Variants in TRAF5 observed in about 807,000 individuals in gnomAD.
The protein encoded by TRAF5 is TNF receptor associated factor 5.
In TRAF5, 48 loss-of-function variants were observed where a neutral mutation model predicts 64.5. That is an observed-to-expected ratio of 0.74 (90% confidence interval 0.59 to 0.95). TRAF5 has a LOEUF of 0.95. TRAF5 is among the 40% of genes least tolerant of loss of function. The pLI, the probability that TRAF5 is intolerant of heterozygous loss-of-function variation, is 0.00. For missense variants in TRAF5, 545 were observed against 662.8 expected (o/e 0.82, Z 1.95); for synonymous variants, 206 against 240.5 (o/e 0.86, Z 1.33).
chr1:211,351,490 G>A (rs186418163), intron 1 of TRAF5, among the ~76,000 whole-genome samples: 3 of 152,106 alleles, frequency 2.0e-5, no homozygotes, highest in East Asian at 3.9e-4. Flanking sequence ...TACCGCAATG[G>A]CAGTGATAGA....
intron 1 of TRAF5, among the ~76,000 whole-genome samples, chr1:211,335,642 G>A (rs898921456): frequency 3.9e-5 from 6 of 152,168 alleles, no homozygotes; most frequent in Non-Finnish European, 5.9e-5. Flanking sequence ...CAGAGGCATG[G>A]CTGCATATGT....
At chr1:211,334,651 C>T (rs1250581398) in intron 1 of TRAF5, among the ~76,000 whole-genome samples, 1 of 152,074 alleles carries the variant, frequency 6.6e-6, no homozygotes, top group Non-Finnish European at 1.5e-5. Flanking sequence ...GAGTGAGACC[C>T]CGTCTCAAAA....
At chr1:211,330,316 C>T (rs1027400499) in intron 1 of TRAF5, among the ~76,000 whole-genome samples, 9 of 151,236 alleles carry the variant, frequency 6.0e-5, no homozygotes, top group Non-Finnish European at 1.3e-4. Flanking sequence ...ACCACAGGCT[C>T]CATCAACTTC....
At chr1:211,335,212 A>C (rs1234724444) in intron 1 of TRAF5, among the ~76,000 whole-genome samples, 2 of 152,098 alleles carry the variant, frequency 1.3e-5, no homozygotes, top group African/African-American at 4.8e-5. Context: ...CTGAATCCCT[A>C]CCCAGAGTTA....
chr1:211,340,133 T>C (rs1702408373), intron 1 of TRAF5, among the ~76,000 whole-genome samples: 1 of 152,028 alleles, frequency 6.6e-6, no homozygotes, highest in Non-Finnish European at 1.5e-5. Context: ...CCATGGAGGG[T>C]GGGGCTGGGC....
intron 3 of TRAF5, among the ~76,000 whole-genome samples, 185 bp downstream of exon 3, chr1:211,354,652 T>G (rs1347644416): frequency 1.3e-5 from 2 of 152,104 alleles, no homozygotes; most frequent in Admixed American, 1.3e-4. Flanking sequence ...TTTGGGTCTT[T>G]ATTGACCACA....
intron 4 of TRAF5, chr1:211,357,351 A>G (rs953762905): frequency 5.3e-5 from 8 of 152,176 alleles, no homozygotes; most frequent in Non-Finnish European, 1.0e-4. Context: ...TAATCCAGGA[A>G]TTTATTTGGA....
intron 1 of TRAF5, among the ~76,000 whole-genome samples, chr1:211,341,849 G>A (rs756063033): frequency 7.9e-5 from 12 of 152,188 alleles, no homozygotes; most frequent in African/African-American, 2.4e-4. Context: ...AATGTTTAGC[G>A]CGAGATAGTC....
In TRAF5 at chr1:211,372,886, T is replaced by C; in HGVS notation, c.*184T>C. 1 of 527,094 alleles carries C rather than the reference T, an allele frequency of 1.9e-6. No homozygotes were observed. The highest frequency in any genetic ancestry group is 3.3e-6 in the Non-Finnish European group (1 of 301,082). The allele number at this position is 527,094 out of a possible 1,614,324, so 32.7% of individuals were successfully genotyped here. A position where few individuals can be genotyped will look rare whatever the true frequency, so the allele number is the denominator to read the frequency against. The stretch of plus-strand genomic sequence containing the variant: ...TTTTACATTTTACTCTGTCCCAGTT[T>C]GAAACTTAAAACTCTTAGAATATTC... On this transcript the variant is annotated 3_prime_UTR_variant, in exon 11 of 11. Transcript: ENST00000261464.
intron 4 of TRAF5, chr1:211,356,855 A>G (rs561273897): frequency 5.9e-6 from 1 of 170,810 alleles, no homozygotes; most frequent in Admixed American, 5.9e-5. Context: ...GTCCTTCCCC[A>G]AAAGCATTTG....
intron 2 of TRAF5, among the ~76,000 whole-genome samples, chr1:211,354,190 T>C (rs1354714339): frequency 1.3e-5 from 2 of 152,182 alleles, no homozygotes; most frequent in Non-Finnish European, 2.9e-5. Flanking sequence ...ACTCACTGAC[T>C]GCATCCCAGA....
At chr1:211,348,518 G>A (rs774824610) in intron 1 of TRAF5, among the ~76,000 whole-genome samples, 93 of 151,938 alleles carry the variant, frequency 6.1e-4, no homozygotes, top group Admixed American at 1.3e-3. Context: ...TTCACGGATT[G>A]TGCCCTTGGT....
chr1:211,372,825 G>A lies in TRAF5; in HGVS notation c.*123G>A, dbSNP rs565614512. ...ATTTGTATTTGCCTTTTTCCTTAACGTTTGAAGTCAGTTTAAAACTTCTGA... is the reference window on the plus strand; with the variant it reads ...ATTTGTATTTGCCTTTTTCCTTAACATTTGAAGTCAGTTTAAAACTTCTGA... On this transcript the variant is annotated 3_prime_UTR_variant, in exon 11 of 11. Transcript: ENST00000261464. The A allele has an allele frequency of 3.8e-5, 34 of 900,644 alleles. No homozygotes were observed. In the South Asian group the frequency reaches 5.0e-4, roughly 13 times the overall value. The allele number at this position is 900,644 out of a possible 1,614,324, so 55.8% of individuals were successfully genotyped here.
intron 7 of TRAF5, among the ~76,000 whole-genome samples, chr1:211,361,951 C>A (rs1703201731): frequency 1.3e-5 from 2 of 152,096 alleles, no homozygotes; most frequent in Non-Finnish European, 2.9e-5. Flanking sequence ...CCTGCCTCGG[C>A]CTCCCAAAGT....
intron 1 of TRAF5, among the ~76,000 whole-genome samples, chr1:211,345,602 T>C (rs1382696576): frequency 6.6e-6 from 1 of 152,206 alleles, no homozygotes; most frequent in African/African-American, 2.4e-5. Flanking sequence ...CCAGGACCCA[T>C]TGGTGGGCCT....
rs1703556173 is a variant in TRAF5 at position 211,372,210 on chromosome 1, T to TAA, written c.1184_1185dup (p.Leu396AsnfsTer16). The TAA allele has an allele frequency of 1.9e-6, 3 of 1,614,040 alleles. No homozygotes were observed. Among genetic ancestry groups the TAA allele is most frequent in the Non-Finnish European group, 2.5e-6 (3 of 1,180,002 alleles). On this transcript the variant is annotated frameshift_variant, in exon 11 of 11. Coordinates refer to ENST00000261464, the MANE Select transcript of TRAF5 (RefSeq NM_001033910.3). LOFTEE classifies it high-confidence loss of function. ...AGCTGAGTAAAAATGAAGAGCGATT[T>TAA]AAACTGCTGGAGGGTACTTGCTATA...
intron 1 of TRAF5, among the ~76,000 whole-genome samples, chr1:211,342,061 C>T (rs1363505044): frequency 1.3e-5 from 2 of 152,142 alleles, no homozygotes; most frequent in South Asian, 2.1e-4. Context: ...CTGTAAAGAA[C>T]CAGGTAGTAA....
intron 7 of TRAF5, among the ~76,000 whole-genome samples, chr1:211,361,722 A>G (rs1354015924): frequency 7.7e-6 from 1 of 130,410 alleles, no homozygotes; most frequent in Non-Finnish European, 1.6e-5. Context: ...TTTTTGAGAC[A>G]GAGTCTTGCT....
At chr1:211,327,174 G>T (rs1702039453) in intron 1 of TRAF5, among the ~76,000 whole-genome samples, 2 of 152,106 alleles carry the variant, frequency 1.3e-5, no homozygotes, top group Admixed American at 6.5e-5. Context: ...GGTGTGGCGA[G>T]GGCGGAGACT....
Sources: allele counts gnomAD v4.1 joint callset (sites outside exome capture counted in the v4.1 genomes callset), GRCh38; gene constraint gnomAD v4.1.1; transcripts MANE v1.5; gene names NCBI Gene and HGNC (gene_info 2026-07-23, HGNC 2026-07-21).